The following MPO variants were observed in gnomAD, a reference collection of about 807,000 sequenced individuals.
MPO encodes the protein myeloperoxidase.
Under a neutral mutation model 69.4 loss-of-function variants are expected in MPO, and 57 were observed. The ratio of observed to expected loss-of-function variants is 0.82; its 90% CI spans 0.66 to 1.02. The LOEUF (loss-of-function observed/expected upper bound fraction) is 1.02, where lower values mean the gene tolerates loss of function less well. MPO is among the 50% of genes least tolerant of loss of function. The probability of loss-of-function intolerance (pLI) is 0.00; values close to 1 mark genes in which losing one functional copy is unlikely to be tolerated. For synonymous variants in MPO, 426 were observed against 417.1 expected (o/e 1.02, Z -0.26); for missense variants, 971 against 1,014.1 (o/e 0.96, Z 0.58).
chr17:58,280,608 G>A lies in MPO; in HGVS notation c.151C>T (p.Pro51Ser). The change falls in exon 1 of 12, where the codon CCA becomes TCA. Residue 51 changes from proline to serine, a missense_variant. Transcript: ENST00000225275. The part of the protein sequence containing the change: ...ATPQPSEGAA[P>S]AVLGEVDTSL... ...CTCCCACCTTGGGAACTGTTACCTG[G>A]AGCAGCACCTTCAGAGGGCTGGGGC... 6.8e-6 allele frequency: 11 copies of A among 1,614,196 alleles called. No homozygotes were observed. The highest frequency in any genetic ancestry group is 9.3e-6 in the Non-Finnish European group (11 of 1,180,046).
In MPO at chr17:58,277,911, G is replaced by C. The variant is rs769071384; in HGVS notation, c.1120C>G (p.Arg374Gly). 4 of 1,612,072 alleles carry C rather than the reference G, an allele frequency of 2.5e-6. No homozygotes were observed. In the South Asian group the frequency reaches 4.4e-5, roughly 18 times the overall value. ...AVNQRFQDNG[R>G]ALLPFDNLHD... ...AGGTTGTCAAAGGGCAGCAGGGCCC[G>C]GCCGTTGTCTTGGAAGCGCTGGTTG... is the stretch of plus-strand genomic sequence containing the variant. Residue 374 changes from arginine to glycine, a missense_variant, in exon 7 of 12, where the codon CGG becomes GGG. Coordinates refer to ENST00000225275, the MANE Select transcript of MPO (RefSeq NM_000250.2).
chr17:58,278,161 A>C lies in MPO; in HGVS notation c.886-16T>G. On this transcript the variant is annotated splice_polypyrimidine_tract_variant and intron_variant, in intron 6 of 11. Coordinates refer to ENST00000225275, the MANE Select transcript of MPO (RefSeq NM_000250.2). ...TGGGCGGGATCTGAGGCACAGAGAG[A>C]GGCTAGACTGGCTCACCGAGGGCAA... 2 of 1,599,438 alleles carry C rather than the reference A, an allele frequency of 1.3e-6. No homozygotes were observed. Among genetic ancestry groups the C allele is most frequent in the Non-Finnish European group, 1.7e-6 (2 of 1,179,460 alleles).
chr17:58,270,791 CCGGGG>C lies in MPO; in HGVS notation c.2098_2102del (p.Pro700AspfsTer13), dbSNP rs1466446519. Reference sequence around the variant, plus strand: ...TGATGCCTGTGTTGTCGCAGATGATCCGGGGCAATGAGATCTGGGCCAGGGCCTGT... The same window carrying C: ...TGATGCCTGTGTTGTCGCAGATGATCCAATGAGATCTGGGCCAGGGCCTGT... On this transcript the variant is annotated frameshift_variant, in exon 12 of 12. Coordinates refer to ENST00000225275, the MANE Select transcript of MPO (RefSeq NM_000250.2). LOFTEE classifies it high-confidence loss of function. The surrounding 1 kb of genome is among the most constrained non-coding windows in gnomAD (Gnocchi z 4.1). 1 of 1,613,936 alleles carries C rather than the reference CCGGGG, an allele frequency of 6.2e-7. No homozygotes were observed. Among genetic ancestry groups the C allele is most frequent in the Non-Finnish European group, 8.5e-7 (1 of 1,179,970 alleles).
At position 58,280,005 on chromosome 17, in the gene MPO, C is replaced by A; in HGVS notation, c.258G>T (p.Gln86His). ...AYKERRESIKQRLRSGSASPM... is the reference protein window; with the variant it reads ...AYKERRESIKHRLRSGSASPM... ...GGCTGGCTGAGCCGCTGCGAAGCCG[C>A]TGCTTGATGCTGCTTGGAGAAAGGA... Residue 86 changes from glutamine (Q) to histidine (H), a missense_variant, in exon 3 of 12, where the codon CAG becomes CAT. Gln to His is a conservative substitution (Grantham distance 24). Transcript: ENST00000225275. The A allele has an allele frequency of 6.2e-7, 1 of 1,612,880 alleles. No individual in the cohort carries two copies. Among genetic ancestry groups the A allele is most frequent in the Non-Finnish European group, 8.5e-7 (1 of 1,180,024 alleles).
chr17:58,273,199 G>A (rs933209824), intron 9 of MPO, among the ~76,000 whole-genome samples: 18 of 152,174 alleles, frequency 1.2e-4, no homozygotes, highest in Non-Finnish European at 2.5e-4. Flanking sequence ...ACAACACATA[G>A]GAAGTAGCCA....
chr17:58,277,379 C>T (rs1010698780), intron 7 of MPO, among the ~76,000 whole-genome samples: 1 of 152,178 alleles, frequency 6.6e-6, no homozygotes, highest in Admixed American at 6.5e-5. Flanking sequence ...CGCTGAGAAA[C>T]TGGGTTTATT....
intron 9 of MPO, 68 bp from the exon 10 acceptor site, chr17:58,272,986 G>C: frequency 1.3e-6 from 2 of 1,588,682 alleles, no homozygotes. Flanking sequence ...TTGGAGTCAG[G>C]GACAAGTCCA....
chr17:58,279,246 GTCCGCGCACCGCGTGGCCGGGCC>G, intron 5 of MPO, 28 bp downstream of exon 5: 1 of 1,575,450 alleles, frequency 6.3e-7, no homozygotes, highest in Non-Finnish European at 8.6e-7. Context: ...TGGCGCCTGG[GTCCGCGCACCGCGTGGCCGGGCC>G]TCGCCCCCTC....
intron 9 of MPO, 79 bp downstream of exon 9, chr17:58,273,335 C>T (rs1401819362): frequency 5.0e-6 from 8 of 1,605,136 alleles, no homozygotes; most frequent in Non-Finnish European, 6.0e-6. Context: ...GCTCCCCACC[C>T]TAGCTCCCTA....
chr17:58,280,283 C>T, intron 2 of MPO, 83 bp downstream of exon 2: 1 of 1,429,414 alleles, frequency 7.0e-7, no homozygotes, highest in South Asian at 1.2e-5. Context: ...CCCTCTCCCA[C>T]CTTCAAGCTC....
rs1416501218 is a variant in MPO at position 58,280,774 on chromosome 17, C to T, written c.-16G>A. ...GAACCCCCATCTCTCTTCTCCTGGG[C>T]TGCTCAATCCCCCTTTGTACCTCAG... On this transcript the variant is annotated 5_prime_UTR_variant, in exon 1 of 12. Coordinates refer to ENST00000225275, the MANE Select transcript of MPO (RefSeq NM_000250.2). 1 of 1,613,958 alleles carries T rather than the reference C, an allele frequency of 6.2e-7. No individual in the cohort carries two copies. Among genetic ancestry groups the T allele is most frequent in the Non-Finnish European group, 8.5e-7 (1 of 1,179,932 alleles).
At chr17:58,276,328 T>G (rs562233164) in intron 7 of MPO, among the ~76,000 whole-genome samples, 2 of 152,320 alleles carry the variant, frequency 1.3e-5, no homozygotes, top group Admixed American at 1.3e-4. Flanking sequence ...CTTTACTACA[T>G]GCCAATGGTG....
chr17:58,277,733 A>C (rs1970455635), intron 7 of MPO, 94 bp downstream of exon 7: 2 of 1,553,840 alleles, frequency 1.3e-6, no homozygotes, highest in Admixed American at 3.4e-5. Flanking sequence ...AGTCTCTCTA[A>C]GTACAAACCC....
At chr17:58,271,365 C>T (rs1406125078) in intron 11 of MPO, among the ~76,000 whole-genome samples, 1 of 152,188 alleles carries the variant, frequency 6.6e-6, no homozygotes, top group Non-Finnish European at 1.5e-5. Context: ...CCACTGGTGA[C>T]TGACACCCAC....
At chr17:58,278,877 GGACACAAGGGAGGCA>G in intron 6 of MPO, 116 bp downstream of exon 6, 1 of 1,104,864 alleles carries the variant, frequency 9.1e-7, no homozygotes, top group East Asian at 2.6e-5. Context: ...CCAGTGCTGT[GGACACAAGGGAGGCA>G]GGGCCAGCCT....
chr17:58,272,514 G>A (rs1213824634), intron 10 of MPO, among the ~76,000 whole-genome samples: 2 of 152,194 alleles, frequency 1.3e-5, no homozygotes, highest in South Asian at 2.1e-4. Context: ...TTATGATGAC[G>A]ATGCCCCTAA....
chr17:58,280,923 A>C lies in MPO; in HGVS notation c.-165T>G. The C allele has an allele frequency of 6.8e-6, 5 of 737,132 alleles. No homozygotes were observed. Among genetic ancestry groups the C allele is most frequent in the Non-Finnish European group, 8.9e-6 (4 of 447,032 alleles). 45.7% of individuals were successfully genotyped at this position (737,132 alleles called of 1,614,324 possible). On this transcript the variant is annotated 5_prime_UTR_variant, in exon 1 of 12. Transcript: ENST00000225275. Reference sequence around the variant, plus strand: ...TCCAAGGACCCCACCTCCACAGCTCACCTGATATTGTCAGCTCCTCTTAGC... The same window carrying C: ...TCCAAGGACCCCACCTCCACAGCTCCCCTGATATTGTCAGCTCCTCTTAGC...
chr17:58,276,593 A>G (rs960565615), intron 7 of MPO, among the ~76,000 whole-genome samples: 1 of 152,226 alleles, frequency 6.6e-6, no homozygotes, highest in Non-Finnish European at 1.5e-5. Context: ...GGCTTGGGAC[A>G]TGGGGCTCAT....
chr17:58,280,749 G>T lies in MPO; in HGVS notation c.10C>A (p.Pro4Thr), dbSNP rs1000101468. 1 of 1,614,188 alleles carries T rather than the reference G, an allele frequency of 6.2e-7. No individual in the cohort carries two copies. MGV[P>T]FFSSLRCMVD... ...ATGCATCTGAGAGAAGAGAAGAAGGGAACCCCCATCTCTCTTCTCCTGGGC... is the reference window on the plus strand; with the variant it reads ...ATGCATCTGAGAGAAGAGAAGAAGGTAACCCCCATCTCTCTTCTCCTGGGC... Residue 4 changes from proline (P) to threonine (T), a missense_variant, in exon 1 of 12, where the codon CCC (proline) becomes ACC (threonine). Physicochemically the swap from Pro to Thr is conservative, Grantham distance 38. Transcript: ENST00000225275.
Sources: gnomAD v4.1 joint callset for allele counts (sites outside exome capture counted in the v4.1 genomes callset) on GRCh38, gnomAD v4.1.1 for gene constraint, Gnocchi (gnomAD v3.1) non-coding constraint, MANE v1.5 for transcripts, NCBI Gene and HGNC (gene_info 2026-07-23, HGNC 2026-07-21) for gene names.